INTS9: variants seen among roughly 807,000 people sequenced by gnomAD.
INTS9 encodes protein related to CPSF subunits of 74 kDa.
Under a neutral mutation model 79.7 loss-of-function variants are expected in INTS9, and 55 were observed. The observed-to-expected ratio is 0.69, with a 90% confidence interval of 0.56 to 0.86. The LOEUF (loss-of-function observed/expected upper bound fraction) is 0.86. Ranked by LOEUF, INTS9 falls within the 40% of genes least tolerant of loss-of-function variation. The pLI is 0.00. For missense variants in INTS9, 721 were observed against 831.5 expected, an observed-to-expected ratio of 0.87 and a Z score of 1.64; for synonymous variants, 319 against 325.2, an observed-to-expected ratio of 0.98 and a Z score of 0.20.
chr8:28,853,509 C>G (rs887867165), intron 2 of INTS9, among the ~76,000 whole-genome samples: 2 of 151,774 alleles, frequency 1.3e-5, no homozygotes, highest in Admixed American at 1.3e-4. Flanking sequence ...CACATCTTTG[C>G]ACCCACTATT....
intron 3 of INTS9, among the ~76,000 whole-genome samples, 197 bp from the exon 4 acceptor site, chr8:28,847,006 G>C (rs1214198259): frequency 6.6e-6 from 1 of 152,168 alleles, no homozygotes; most frequent in Non-Finnish European, 1.5e-5. Context: ...GTAAAATGCT[G>C]TTTGGTTGCA....
chr8:28,806,594 C>T (rs1238339360), intron 8 of INTS9, among the ~76,000 whole-genome samples: 2 of 152,180 alleles, frequency 1.3e-5, no homozygotes, highest in African/African-American at 2.4e-5. Context: ...ACACGTAGAA[C>T]ATTTACAAAA....
chr8:28,791,579 C>G (rs1405393902), intron 10 of INTS9, among the ~76,000 whole-genome samples: 1 of 152,188 alleles, frequency 6.6e-6, no homozygotes, highest in African/African-American at 2.4e-5. Flanking sequence ...CAAATGGGGT[C>G]ACCACCCACC....
chr8:28,843,433 A>G (rs1252444811), intron 4 of INTS9, among the ~76,000 whole-genome samples: 1 of 152,202 alleles, frequency 6.6e-6, no homozygotes, highest in Non-Finnish European at 1.5e-5. Flanking sequence ...TGATTTTCTT[A>G]ATGGCATCTA....
intron 8 of INTS9, among the ~76,000 whole-genome samples, chr8:28,801,053 T>C (rs952261708): frequency 6.6e-6 from 1 of 152,178 alleles, no homozygotes; most frequent in Non-Finnish European, 1.5e-5. Flanking sequence ...CCCCCAAATA[T>C]ATTAGGTTTA....
intron 12 of INTS9, 150 bp from the exon 13 acceptor site, chr8:28,778,103 C>T: frequency 1.3e-6 from 1 of 777,992 alleles, no homozygotes; most frequent in South Asian, 2.3e-5. Flanking sequence ...TCAAAGGGGC[C>T]CCGTGGAAGG....
rs536423232 is a variant in INTS9, at chr8:28,799,327, A to C, written c.745-2672T>G. 2 of 152,398 alleles carry C rather than the reference A, an allele frequency of 1.3e-5. 1 individual carries two copies. Among genetic ancestry groups the C allele is most frequent in the African/African-American group, 4.8e-5 (2 of 41,520 alleles). The allele number at this position is 152,398 out of a possible 1,614,324, so 9.4% of individuals were successfully genotyped here. A position where few individuals can be genotyped will look rare whatever the true frequency, so the allele number is the denominator to read the frequency against. ...AAACAAAACATATAACACAGAGCAA[A>C]CTCTAGAAACATTATCTCTGAACCT... On this transcript the variant is annotated intron_variant, in intron 8 of 16. Transcript: ENST00000521022.
At chr8:28,780,614 T>C (rs1400544969) in intron 12 of INTS9, 6 of 985,482 alleles carry the variant, frequency 6.1e-6, no homozygotes, top group Non-Finnish European at 7.2e-6. Context: ...AACACAGGCA[T>C]GAAGGCCTCG....
intron 1 of INTS9, among the ~76,000 whole-genome samples, chr8:28,865,362 C>G (rs1412954938): frequency 6.6e-6 from 1 of 151,578 alleles, no homozygotes; most frequent in Non-Finnish European, 1.5e-5. Flanking sequence ...AGCCCAGCTA[C>G]TTGGGAGGTT....
At chr8:28,777,290 T>C (rs1585332060) in intron 13 of INTS9, among the ~76,000 whole-genome samples, 1 of 152,266 alleles carries the variant, frequency 6.6e-6, no homozygotes, top group Middle Eastern at 3.4e-3. Flanking sequence ...CAGCGAGCAG[T>C]GGCTGAGCCA....
chr8:28,831,777 C>A (rs770258567), intron 6 of INTS9, among the ~76,000 whole-genome samples: 7 of 152,150 alleles, frequency 4.6e-5, no homozygotes, highest in Admixed American at 1.3e-4. Context: ...TAGCTCACTG[C>A]AACCTCTGCC....
At chr8:28,861,972 G>A in intron 1 of INTS9, 3 of 510,940 alleles carry the variant, frequency 5.9e-6, no homozygotes, top group Non-Finnish European at 7.6e-6. Flanking sequence ...GGGAAGAGCT[G>A]AAGACACACA....
intron 10 of INTS9, among the ~76,000 whole-genome samples, chr8:28,793,171 C>T (rs1437007950): frequency 6.6e-6 from 1 of 152,182 alleles, no homozygotes; most frequent in East Asian, 1.9e-4. Context: ...CCTAGACTGC[C>T]TGTGTCACAG....
At chr8:28,850,775 G>GCT (rs1277039275) in intron 2 of INTS9, among the ~76,000 whole-genome samples, 2 of 152,194 alleles carry the variant, frequency 1.3e-5, no homozygotes, top group Non-Finnish European at 2.9e-5. Context: ...TGGGTTCACA[G>GCT]CTTTACAAGT....
chr8:28,851,362 T>C (rs1206930707), intron 2 of INTS9, among the ~76,000 whole-genome samples: 2 of 152,064 alleles, frequency 1.3e-5, no homozygotes, highest in African/African-American at 4.8e-5. Flanking sequence ...AAAACCTGAA[T>C]AAAATATAAA....
At chr8:28,867,911 T>A (rs763303230) in intron 1 of INTS9, among the ~76,000 whole-genome samples, 13 of 152,200 alleles carry the variant, frequency 8.5e-5, no homozygotes, top group Non-Finnish European at 1.9e-4. Flanking sequence ...GGAATCATTT[T>A]CTCATTTTAC....
At chr8:28,812,298 T>G in intron 8 of INTS9, 29 bp downstream of exon 8, 2 of 1,608,078 alleles carry the variant, frequency 1.2e-6, no homozygotes, top group Non-Finnish European at 1.7e-6. Context: ...ACCAAAAAGC[T>G]GAGTTGCTAG....
chr8:28,848,868 C>T (rs977129257), intron 3 of INTS9, among the ~76,000 whole-genome samples: 2 of 152,180 alleles, frequency 1.3e-5, no homozygotes. Flanking sequence ...AGTCATTTCG[C>T]TCACAATGCG....
rs772872479 is a variant in INTS9, at chr8:28,793,779, C to CACA, written c.1037+27_1037+28insTGT. ...AATGTCCTGAATCAAATAAAATTCA[C>CACA]AAAAAAAAAAAAAAACCACGGACAT... On this transcript the variant is annotated intron_variant, in intron 10 of 16. Transcript: ENST00000521022. 261 of 1,188,136 alleles carry CACA rather than the reference C, an allele frequency of 2.2e-4. No individual in the cohort carries two copies. In the African/African-American group the frequency reaches 3.2e-3, roughly 14 times the overall value. The allele number at this position is 1,188,136 out of a possible 1,614,324, so 73.6% of individuals were successfully genotyped here.
Sources: allele counts gnomAD v4.1 joint callset (sites outside exome capture counted in the v4.1 genomes callset), GRCh38; gene constraint gnomAD v4.1.1; transcripts MANE v1.5; gene names NCBI Gene and HGNC (gene_info 2026-07-23, HGNC 2026-07-21).